MYO16: variants seen among roughly 807,000 people sequenced by gnomAD.
MYO16 encodes unconventional myosin-XVI.
MYO16 carries 94 observed loss-of-function variants against 205.3 expected under a neutral mutation model. The observed-to-expected ratio is 0.46, with a 90% CI of 0.39 to 0.54. The LOEUF (loss-of-function observed/expected upper bound fraction) is 0.54. Ranked by LOEUF, MYO16 falls within the 20% of genes least tolerant of loss-of-function variation. The probability of loss-of-function intolerance (pLI) is 0.00; values close to 1 mark genes in which losing one functional copy is unlikely to be tolerated. For missense variants in MYO16, 2,315 were observed against 2,387.5 expected (o/e 0.97, Z 0.63); for synonymous variants, 988 against 954.0 (o/e 1.04, Z -0.66).
the MYO16 span, among the ~76,000 whole-genome samples, chr13:108,567,685 T>C: frequency 6.6e-6 from 1 of 151,956 alleles, no homozygotes; most frequent in Non-Finnish European, 1.5e-5. Context: ...GCTTCTGTTT[T>C]AACATCTTTA....
intron 16 of MYO16, among the ~76,000 whole-genome samples, chr13:108,918,105 C>G (rs1881579378): frequency 6.6e-6 from 1 of 152,192 alleles, no homozygotes; most frequent in Admixed American, 6.5e-5. Context: ...ATTTGCATCA[C>G]AGATAAATTT....
chr13:108,888,457 C>G lies in MYO16; in HGVS notation c.1639C>G (p.Leu547Val). Residue 547 changes from leucine (L) to valine (V), a missense_variant, in exon 14 of 35, where the codon CTG becomes GTG. By Grantham distance (32) the Leu-to-Val change is conservative. Around this residue, in one of 3 missense-constraint regions of MYO16, gnomAD observed 1,213 missense variants for 1,274.4 expected, o/e 0.95. Transcript: ENST00000457511. Reference sequence around the variant, plus strand: ...CAGGGCTGGCGCCAGCAGGGCCACACTGGATTCCAGATTCAAACATGTAAG... The same window carrying G: ...CAGGGCTGGCGCCAGCAGGGCCACAGTGGATTCCAGATTCAAACATGTAAG... Reference protein sequence around the residue: ...TCRAGASRATLDSRFKHVVCI... With the variant: ...TCRAGASRATVDSRFKHVVCI... The G allele has an allele frequency of 6.2e-7, 1 of 1,604,526 alleles. No individual in the cohort carries two copies. The highest frequency in any genetic ancestry group is 8.5e-7 in the Non-Finnish European group (1 of 1,177,042).
At chr13:108,659,449 TG>T in intron 1 of MYO16, 2 of 361,820 alleles carry the variant, frequency 5.5e-6, no homozygotes, top group East Asian at 9.1e-5. Flanking sequence ...CAGGGGCTTC[TG>T]GCCATAAACT....
intron 5 of MYO16, among the ~76,000 whole-genome samples, chr13:108,792,797 C>T (rs1008463311): frequency 6.6e-6 from 1 of 151,920 alleles, no homozygotes; most frequent in Admixed American, 6.6e-5. Context: ...CAGGTGTGAC[C>T]CACAGTGCCC....
intron 16 of MYO16, among the ~76,000 whole-genome samples, 161 bp from the exon 17 acceptor site, chr13:108,957,527 A>T (rs1020551245): frequency 1.3e-5 from 2 of 152,176 alleles, no homozygotes; most frequent in East Asian, 3.9e-4. Context: ...TTCCTGAGAT[A>T]TCATGTGCTG....
At chr13:108,876,426 T>A (rs1322988607) in intron 12 of MYO16, among the ~76,000 whole-genome samples, 2 of 152,186 alleles carry the variant, frequency 1.3e-5, no homozygotes, top group Non-Finnish European at 2.9e-5. Context: ...AATAACAGTA[T>A]GTTTTAATTA....
At chr13:108,933,844 G>A (rs1273766449) in intron 16 of MYO16, among the ~76,000 whole-genome samples, 1 of 151,974 alleles carries the variant, frequency 6.6e-6, no homozygotes, top group Non-Finnish European at 1.5e-5. Context: ...AAGTAACAAT[G>A]TGTGATATTT....
At chr13:109,174,838 G>A (rs765978688) in intron 33 of MYO16, among the ~76,000 whole-genome samples, 22 of 136,716 alleles carry the variant, frequency 1.6e-4, no homozygotes, top group Non-Finnish European at 2.7e-4. Flanking sequence ...TGCAAACTCC[G>A]CCTCCCAGGT....
chr13:108,743,828 T>C (rs148511180), intron 4 of MYO16, among the ~76,000 whole-genome samples: 92 of 152,338 alleles, frequency 6.0e-4, no homozygotes, highest in African/African-American at 2.0e-3. Flanking sequence ...GCGGCTTACA[T>C]TGATAGATCA....
At chr13:108,691,893 A>G (rs1246148929) in intron 2 of MYO16, among the ~76,000 whole-genome samples, 5 of 152,180 alleles carry the variant, frequency 3.3e-5, no homozygotes, top group Non-Finnish European at 7.3e-5. Context: ...ATATTTCTGA[A>G]TCTTTAGGAA....
chr13:108,956,760 T>C (rs752128081), intron 16 of MYO16, among the ~76,000 whole-genome samples: 1 of 152,162 alleles, frequency 6.6e-6, no homozygotes, highest in Non-Finnish European at 1.5e-5. Context: ...TGTTTCCTCA[T>C]TGCCTACTTC....
chr13:108,716,674 A>G (rs1258307858), intron 3 of MYO16, among the ~76,000 whole-genome samples: 7 of 152,190 alleles, frequency 4.6e-5, no homozygotes, highest in African/African-American at 7.2e-5. Flanking sequence ...GTCCCACATT[A>G]CAGAGCCTGA....
At chr13:108,732,849 T>G (rs999763066) in intron 4 of MYO16, among the ~76,000 whole-genome samples, 1 of 152,088 alleles carries the variant, frequency 6.6e-6, no homozygotes, top group Non-Finnish European at 1.5e-5. Context: ...ATATACAGGA[T>G]TTTGAAGGCA....
intron 20 of MYO16, among the ~76,000 whole-genome samples, chr13:108,987,163 A>G (rs898142851): frequency 2.0e-5 from 3 of 152,204 alleles, no homozygotes; most frequent in African/African-American, 7.2e-5. Flanking sequence ...GCAGGGAATG[A>G]CTGCATCTAG....
intron 23 of MYO16, among the ~76,000 whole-genome samples, chr13:109,029,112 C>CTTTTTTT (rs200871485): frequency 0.013 from 1,286 of 97,836 alleles, 6 homozygotes; most frequent in Non-Finnish European, 0.016. Flanking sequence ...TTTTTCTTTT[C>CTTTTTTT]TTTTTTTTTT....
At position 108,665,882 on chromosome 13, in the gene MYO16, C is replaced by T; in HGVS notation, c.29-4C>T. 1.2e-6 allele frequency: 2 copies of T among 1,611,980 alleles called. No homozygotes were observed. The highest frequency in any genetic ancestry group is 1.3e-5 in the African/African-American group (1 of 74,986). Reference sequence around the variant, plus strand: ...TGGTGACGCTCCCCTTGCATTTCTTCCAGGTTGCTTTCAGCTATGTAACGT... The same window carrying T: ...TGGTGACGCTCCCCTTGCATTTCTTTCAGGTTGCTTTCAGCTATGTAACGT... On this transcript the variant is annotated splice_polypyrimidine_tract_variant and splice_region_variant and intron_variant, in intron 1 of 34. Coordinates refer to ENST00000457511, the MANE Select transcript of MYO16 (RefSeq NM_001198950.3).
intron 1 of MYO16, among the ~76,000 whole-genome samples, chr13:108,606,454 A>G (rs963855002): frequency 6.6e-6 from 1 of 152,178 alleles, no homozygotes; most frequent in Non-Finnish European, 1.5e-5. Flanking sequence ...GTAAAGACCA[A>G]GGTACAGCTT....
intron 34 of MYO16, among the ~76,000 whole-genome samples, chr13:109,202,586 C>T (rs1218875855): frequency 1.3e-5 from 2 of 152,170 alleles, no homozygotes; most frequent in Non-Finnish European, 2.9e-5. Flanking sequence ...ACATCCCATG[C>T]TCTTTGATGG....
chr13:108,632,874 G>C (rs1318581397), intron 1 of MYO16, among the ~76,000 whole-genome samples: 1 of 152,122 alleles, frequency 6.6e-6, no homozygotes, highest in Non-Finnish European at 1.5e-5. Context: ...AGGGAGTCAT[G>C]GGCTCACAGA....
Sources: allele counts gnomAD v4.1 joint callset (sites outside exome capture counted in the v4.1 genomes callset), GRCh38; gene constraint gnomAD v4.1.1; regional missense constraint gnomAD v4.1.1; transcripts MANE v1.5; gene names NCBI Gene and HGNC (gene_info 2026-07-23, HGNC 2026-07-21).